The following ABAT variants were observed in gnomAD, a reference collection of about 807,000 sequenced individuals.
ABAT encodes 4-aminobutyrate aminotransferase, mitochondrial.
A neutral mutation model predicts 64.6 loss-of-function variants in ABAT; 45 were observed. That is an observed-to-expected ratio of 0.70 (90% CI 0.55 to 0.89). The LOEUF is 0.89. Ranked by LOEUF, ABAT falls within the 40% of genes least tolerant of loss-of-function variation. The pLI is 0.00. For missense variants in ABAT, 633 were observed against 658.4 expected, an observed-to-expected ratio of 0.96 and a Z score of 0.42; for synonymous variants, 297 against 250.5, an observed-to-expected ratio of 1.19 and a Z score of -1.75.
intron 1 of ABAT, among the ~76,000 whole-genome samples, chr16:8,689,965 C>A (rs925268938): frequency 3.9e-5 from 6 of 152,142 alleles, no homozygotes; most frequent in Non-Finnish European, 7.4e-5. Context: ...ATCCTAAGAA[C>A]AATAACAAGA....
intron 5 of ABAT, among the ~76,000 whole-genome samples, chr16:8,756,027 C>T (rs2059639659): frequency 6.6e-6 from 1 of 151,068 alleles, no homozygotes; most frequent in Admixed American, 6.6e-5. Context: ...CCAGCCTGGG[C>T]AACAGAGCGA....
intron 1 of ABAT, among the ~76,000 whole-genome samples, chr16:8,681,843 T>A (rs1215621873): frequency 6.6e-6 from 1 of 152,072 alleles, no homozygotes; most frequent in Non-Finnish European, 1.5e-5. Flanking sequence ...GGTTTCACCA[T>A]GTTGGCCAGG....
intron 6 of ABAT, among the ~76,000 whole-genome samples, chr16:8,758,390 C>T (rs1476425610): frequency 4.6e-5 from 7 of 152,076 alleles, no homozygotes. Flanking sequence ...TCTGGCAGGC[C>T]ACGAGTCGGG....
At chr16:8,677,540 G>T (rs1013673688) in intron 1 of ABAT, among the ~76,000 whole-genome samples, 1 of 152,098 alleles carries the variant, frequency 6.6e-6, no homozygotes, top group Non-Finnish European at 1.5e-5. Flanking sequence ...CTAGATGAGG[G>T]GTTCTCATTT....
At chr16:8,756,935 G>A (rs928154584) in intron 5 of ABAT, among the ~76,000 whole-genome samples, 4 of 152,174 alleles carry the variant, frequency 2.6e-5, no homozygotes, top group Non-Finnish European at 5.9e-5. Context: ...GGTAAATGCT[G>A]TAGGACTCTG....
chr16:8,697,117 A>G (rs192085393), intron 1 of ABAT, among the ~76,000 whole-genome samples: 157 of 152,282 alleles, frequency 1.0e-3, no homozygotes, highest in Middle Eastern at 0.01. Flanking sequence ...CAGTGGGACT[A>G]CTTTAAGTTG....
Position 8,772,921 on chromosome 16 carries a change from A to G in ABAT, c.954+4A>G, listed in dbSNP as rs201044313. The G allele has an allele frequency of 1.1e-5, 18 of 1,613,528 alleles. No homozygotes were observed. The East Asian group carries it at 3.8e-4, about 34-fold the overall frequency. On this transcript the variant is annotated splice_donor_region_variant and intron_variant, in intron 12 of 15. Coordinates refer to ENST00000268251, the MANE Select transcript of ABAT (RefSeq NM_020686.6). ...GCTGAGAGACATCGCCAGGAAGGTCAGTGGACAGGGCCGAGGTTGGATGGA... is the reference window on the plus strand; with the variant it reads ...GCTGAGAGACATCGCCAGGAAGGTCGGTGGACAGGGCCGAGGTTGGATGGA...
intron 1 of ABAT, among the ~76,000 whole-genome samples, chr16:8,677,660 C>A (rs1012182412): frequency 9.2e-5 from 14 of 152,178 alleles, no homozygotes; most frequent in Non-Finnish European, 1.8e-4. Context: ...GCCAGTGACA[C>A]TCCCTACCCC....
chr16:8,679,726 A>G (rs1466030223), intron 1 of ABAT, among the ~76,000 whole-genome samples: 1 of 151,934 alleles, frequency 6.6e-6, no homozygotes, highest in African/African-American at 2.4e-5. Flanking sequence ...CTCAGAAAGG[A>G]CAGTGGGGGC....
intron 14 of ABAT, 26 bp from the exon 15 acceptor site, chr16:8,779,453 G>T (rs764030014): frequency 3.1e-6 from 5 of 1,598,628 alleles, no homozygotes; most frequent in South Asian, 2.2e-5. Flanking sequence ...GGGCTTTGAC[G>T]CCAGCCTTGT....
chr16:8,682,400 C>T (rs1730949), intron 1 of ABAT, among the ~76,000 whole-genome samples: 87,769 of 151,350 alleles, frequency 0.58, 25,802 homozygotes, highest in East Asian at 0.77. Flanking sequence ...GAAAACAGAA[C>T]GCTATTCTTC....
intron 1 of ABAT, among the ~76,000 whole-genome samples, chr16:8,733,724 G>T (rs1274955507): frequency 6.6e-6 from 1 of 151,846 alleles, no homozygotes; most frequent in South Asian, 2.1e-4. Context: ...GGCAGGCTGA[G>T]GCAGGAGAAT....
chr16:8,765,912 G>A (rs546161668), intron 8 of ABAT: 8 of 381,908 alleles, frequency 2.1e-5, no homozygotes, highest in African/African-American at 8.3e-5. Flanking sequence ...ATTTGAGCCC[G>A]CACATCTGGC....
intron 1 of ABAT, among the ~76,000 whole-genome samples, chr16:8,725,791 G>A (rs1440650903): frequency 6.6e-6 from 1 of 152,114 alleles, no homozygotes; most frequent in African/African-American, 2.4e-5. Context: ...GTAATTCTAT[G>A]CTTAACTTTT....
intron 1 of ABAT, among the ~76,000 whole-genome samples, chr16:8,729,036 G>C (rs1439725225): frequency 1.3e-5 from 2 of 152,144 alleles, no homozygotes; most frequent in Non-Finnish European, 2.9e-5. Flanking sequence ...GCCGGGCACG[G>C]TGGCTCACGC....
chr16:8,772,592 C>T (rs188708530), intron 11 of ABAT, among the ~76,000 whole-genome samples, 188 bp from the exon 12 acceptor site: 9 of 152,314 alleles, frequency 5.9e-5, no homozygotes, highest in East Asian at 5.8e-4. Context: ...GTGCTAGCAC[C>T]GATTTCAAGT....
intron 9 of ABAT, among the ~76,000 whole-genome samples, chr16:8,767,947 A>T (rs1310821307): frequency 2.2e-4 from 34 of 151,982 alleles, no homozygotes; most frequent in Non-Finnish European, 2.9e-5. Flanking sequence ...AAGTGCTGGG[A>T]TTACAGGTGT....
chr16:8,745,819 T>C (rs955448688), intron 2 of ABAT, among the ~76,000 whole-genome samples, 182 bp from the exon 3 acceptor site: 6 of 152,220 alleles, frequency 3.9e-5, no homozygotes, highest in African/African-American at 2.4e-5. Flanking sequence ...TTTTTTAAAA[T>C]CTACAGTGTC....
chr16:8,735,370 G>C (rs1868967372), intron 1 of ABAT, among the ~76,000 whole-genome samples: 2 of 151,770 alleles, frequency 1.3e-5, no homozygotes, highest in African/African-American at 2.4e-5. Context: ...TACCACATCA[G>C]CCTCCTGAGT....
Sources: gnomAD v4.1 joint callset for allele counts (sites outside exome capture counted in the v4.1 genomes callset) on GRCh38, gnomAD v4.1.1 for gene constraint, MANE v1.5 for transcripts, NCBI Gene and HGNC (gene_info 2026-07-23, HGNC 2026-07-21) for gene names.